Variants in EFNA2 observed in about 807,000 individuals in gnomAD.
EFNA2 encodes ephrin A2.
In EFNA2, 18 loss-of-function variants were observed where a neutral mutation model predicts 19.7. The observed-to-expected ratio is 0.91, with a 90% CI of 0.63 to 1.35. The LOEUF is 1.35. Among genes scored for constraint, EFNA2 ranks in the 40% most tolerant of loss-of-function variants. EFNA2 has a pLI of 0.00. For missense variants in EFNA2, 303 were observed against 296.0 expected, an observed-to-expected ratio of 1.02 and a Z score of -0.17; for synonymous variants, 187 against 137.8, an observed-to-expected ratio of 1.36 and a Z score of -2.50.
In EFNA2 at chr19:1,287,595, G is replaced by A. The variant is rs778785315; in HGVS notation, c.140+1287G>A. Among the ~76,000 whole-genome samples, 3 of 152,082 alleles carry A rather than the reference G, an allele frequency of 2.0e-5. No homozygotes were observed. Among genetic ancestry groups the A allele is most frequent in the South Asian group, 2.1e-4 (1 of 4,834 alleles). The stretch of plus-strand genomic sequence containing the variant: ...GTTCCGCCGTGGGGGTGGGGAACAC[G>A]CACAGGCCCACCCCCCACCCTGGTC... On this transcript the variant is annotated intron_variant, in intron 1 of 3. Coordinates refer to ENST00000215368, the MANE Select transcript of EFNA2 (RefSeq NM_001405.4). The surrounding 1 kb of genome is among the most constrained non-coding windows in gnomAD (Gnocchi z 6.2).
At position 1,300,217 on chromosome 19, in the gene EFNA2, G is replaced by T. The variant is rs1362332507; in HGVS notation, c.*272G>T. 1.7e-5 allele frequency: 5 copies of T among 296,802 alleles called. No individual in the cohort carries two copies. Among genetic ancestry groups the T allele is most frequent in the African/African-American group, 2.3e-5 (1 of 44,408 alleles). The allele number at this position is 296,802 out of a possible 1,614,324, so 18.4% of individuals were successfully genotyped here. A position where few individuals can be genotyped will look rare whatever the true frequency, so the allele number is the denominator to read the frequency against. Reference sequence around the variant, plus strand: ...GCCAGGCCATCTCCTCTGGGGCGTCGGAGAACCCGGGAACCTCTTGGCGAT... The same window carrying T: ...GCCAGGCCATCTCCTCTGGGGCGTCTGAGAACCCGGGAACCTCTTGGCGAT... On this transcript the variant is annotated 3_prime_UTR_variant, in exon 4 of 4. Transcript: ENST00000215368.
upstream of EFNA2, among the ~76,000 whole-genome samples, chr19:1,284,556 G>A (rs2081454655): frequency 6.6e-6 from 1 of 152,232 alleles, no homozygotes; most frequent in South Asian, 2.1e-4. The surrounding 1 kb of genome is among the most constrained non-coding windows in gnomAD (Gnocchi z 5.3). Flanking sequence ...CCTGAACAAA[G>A]GTCAGGTGGT....
intron 1 of EFNA2, among the ~76,000 whole-genome samples, chr19:1,291,680 T>G (rs2081492124): frequency 6.6e-6 from 1 of 152,238 alleles, no homozygotes; most frequent in Non-Finnish European, 1.5e-5. Context: ...TGCCTCAGTT[T>G]CCAGTCCTGG....
Position 1,295,629 on chromosome 19 carries a change from C to T in EFNA2, c.225C>T (p.His75=). The T allele has an allele frequency of 6.2e-7, 1 of 1,611,550 alleles. No homozygotes were observed. The highest frequency in any genetic ancestry group is 2.2e-5 in the East Asian group (1 of 44,826). ...ACTACCTGGACATCTACTGCCCGCA[C>T]TATGGGGCGCCGCTGCCGCCGGCCG... ...INDYLDIYCP[H]YGAPLPPAER... is the part of the protein sequence containing the mutation. The change falls in exon 2 of 4, where the codon CAC becomes CAT. Residue 75 remains histidine, a synonymous_variant. Transcript: ENST00000215368. This position sits in a 1 kb window ranked among gnomAD's most constrained non-coding sequence, Gnocchi z 5.8.
At chr19:1,290,577 C>T (rs1173093840) in intron 1 of EFNA2, among the ~76,000 whole-genome samples, 1 of 152,088 alleles carries the variant, frequency 6.6e-6, no homozygotes, top group South Asian at 2.1e-4. Flanking sequence ...TCTGTGGAGC[C>T]GGTGGTCTCC....
chr19:1,286,081 C>T lies in EFNA2; in HGVS notation c.-88C>T, dbSNP rs2081462312. On this transcript the variant is annotated 5_prime_UTR_variant, in exon 1 of 4. Transcript: ENST00000215368. The surrounding 1 kb of genome is among the most constrained non-coding windows in gnomAD (Gnocchi z 5.6). ...TCCTCCCGCCCGCCCTCCGCCCGCC[C>T]GCTCGGCGGCGGCGGCGGCGGCGGA... 2 of 339,734 alleles carry T rather than the reference C, an allele frequency of 5.9e-6. No individual in the cohort carries two copies. Among genetic ancestry groups the T allele is most frequent in the African/African-American group, 2.3e-5 (1 of 43,756 alleles). The allele number at this position is 339,734 out of a possible 1,614,324, so 21.0% of individuals were successfully genotyped here.
At chr19:1,292,855 C>G (rs1354350815) in intron 1 of EFNA2, among the ~76,000 whole-genome samples, 3 of 152,270 alleles carry the variant, frequency 2.0e-5, no homozygotes, top group Admixed American at 6.5e-5. Flanking sequence ...GGCACCTGGC[C>G]GCTCAGCCAC....
At chr19:1,299,740 A>T (rs2081531539) in intron 3 of EFNA2, 84 bp from the exon 4 acceptor site, 15 of 1,490,314 alleles carry the variant, frequency 1.0e-5, no homozygotes, top group Non-Finnish European at 1.3e-5. Context: ...CGTTGGGCAG[A>T]TGTGCACCCT....
rs1476988614 is a variant in EFNA2, at chr19:1,297,903, T to G, written c.455-648T>G. On this transcript the variant is annotated intron_variant, in intron 2 of 3. Coordinates refer to ENST00000215368, the MANE Select transcript of EFNA2 (RefSeq NM_001405.4). The surrounding 1 kb of genome is among the most constrained non-coding windows in gnomAD (Gnocchi z 5.0). ...CCCGGCCAACATGGTGAAACCCCGTTTCTACTAAAAATACAAAAATTAGCC... is the reference window on the plus strand; with the variant it reads ...CCCGGCCAACATGGTGAAACCCCGTGTCTACTAAAAATACAAAAATTAGCC... 6.6e-6 allele frequency among the ~76,000 whole-genome samples: 1 copy of G among 151,542 alleles called. No individual in the cohort carries two copies. Among genetic ancestry groups the G allele is most frequent in the African/African-American group, 2.4e-5 (1 of 41,282 alleles).
At chr19:1,293,856 C>T (rs1240460478) in intron 1 of EFNA2, among the ~76,000 whole-genome samples, 2 of 152,254 alleles carry the variant, frequency 1.3e-5, no homozygotes, top group African/African-American at 4.8e-5. Context: ...CCCCTTCTCA[C>T]CCCTGGAGAC....
rs1275035742 is a variant in EFNA2 at position 1,295,431 on chromosome 19, A to C, written c.141-114A>C. 2.0e-5 allele frequency: 20 copies of C among 1,018,348 alleles called. No individual in the cohort carries two copies. The highest frequency in any genetic ancestry group is 1.9e-4 in the African/African-American group (8 of 41,852). The allele number at this position is 1,018,348 out of a possible 1,614,324, so 63.1% of individuals were successfully genotyped here. On this transcript the variant is annotated intron_variant, in intron 1 of 3. Coordinates refer to ENST00000215368, the MANE Select transcript of EFNA2 (RefSeq NM_001405.4). The surrounding 1 kb of genome is among the most constrained non-coding windows in gnomAD (Gnocchi z 5.8). ...CTCCTGACCCCGGCCCTCGCCGCGCACCCCGACCCGTCCCTCGTGCTCCTG... is the reference window on the plus strand; with the variant it reads ...CTCCTGACCCCGGCCCTCGCCGCGCCCCCCGACCCGTCCCTCGTGCTCCTG...
At position 1,300,538 on chromosome 19, in the gene EFNA2, G is replaced by T. The variant is rs561431339; in HGVS notation, c.*593G>T. ...ACCCCACTCGTGGGGGAACACAGCC[G>T]CTCCCCTCTGCTCTGCACCCCACTC... On this transcript the variant is annotated 3_prime_UTR_variant, in exon 4 of 4. Transcript: ENST00000215368. 6.7e-6 allele frequency among the ~76,000 whole-genome samples: 1 copy of T among 148,688 alleles called. No individual in the cohort carries two copies. The highest frequency in any genetic ancestry group is 6.6e-5 in the Admixed American group (1 of 15,162).
rs2081504652 is a variant in EFNA2, at chr19:1,294,364, C to T, written c.141-1181C>T. Reference sequence around the variant, plus strand: ...GTCCCTTCCTCGGCTGATCTCTATCCTCACAGACGAGGCTGGGTCAGGGGG... The same window carrying T: ...GTCCCTTCCTCGGCTGATCTCTATCTTCACAGACGAGGCTGGGTCAGGGGG... On this transcript the variant is annotated intron_variant, in intron 1 of 3. Coordinates refer to ENST00000215368, the MANE Select transcript of EFNA2 (RefSeq NM_001405.4). The surrounding 1 kb of genome is among the most constrained non-coding windows in gnomAD (Gnocchi z 5.8). Among the ~76,000 whole-genome samples, 1 of 152,204 alleles carries T rather than the reference C, an allele frequency of 6.6e-6. No individual in the cohort carries two copies. Among genetic ancestry groups the T allele is most frequent in the Admixed American group, 6.5e-5 (1 of 15,278 alleles).
Position 1,287,450 on chromosome 19 carries a change from C to T in EFNA2, c.140+1142C>T, listed in dbSNP as rs560337890. The stretch of plus-strand genomic sequence containing the variant: ...CAGCCGCTTCCTGTGCCGACCGAGC[C>T]GCCCTCTGGAGCCCGCCACCCCTCC... On this transcript the variant is annotated intron_variant, in intron 1 of 3. Coordinates refer to ENST00000215368, the MANE Select transcript of EFNA2 (RefSeq NM_001405.4). The surrounding 1 kb of genome is among the most constrained non-coding windows in gnomAD (Gnocchi z 6.2). Among the ~76,000 whole-genome samples the T allele has an allele frequency of 2.5e-4, 38 of 152,316 alleles. 1 individual carries two copies. The highest frequency in any genetic ancestry group is 7.9e-4 in the African/African-American group (33 of 41,568).
chr19:1,287,544 C>T lies in EFNA2; in HGVS notation c.140+1236C>T, dbSNP rs985600686. ...GTTGCATGAAGGGGTCTCTTTGAGG[C>T]GGGCTCGGGGACAAGGGCGGCCCGT... On this transcript the variant is annotated intron_variant, in intron 1 of 3. Coordinates refer to ENST00000215368, the MANE Select transcript of EFNA2 (RefSeq NM_001405.4). The surrounding 1 kb of genome is among the most constrained non-coding windows in gnomAD (Gnocchi z 6.2). Among the ~76,000 whole-genome samples the T allele has an allele frequency of 9.9e-5, 15 of 152,090 alleles. No individual in the cohort carries two copies. The highest frequency in any genetic ancestry group is 2.1e-4 in the Non-Finnish European group (14 of 68,008).
Position 1,300,241 on chromosome 19 carries a change from A to AGTT in EFNA2, c.*296_*297insGTT, listed in dbSNP as rs2081535634. 3 of 42,646 alleles carry AGTT rather than the reference A, an allele frequency of 7.0e-5. No homozygotes were observed. Among genetic ancestry groups the AGTT allele is most frequent in the Non-Finnish European group, 1.4e-4 (3 of 22,116 alleles). 2.6% of individuals were successfully genotyped at this position (42,646 alleles called of 1,614,324 possible). A position where few individuals can be genotyped will look rare whatever the true frequency, so the allele number is the denominator to read the frequency against. ...CGGAGAACCCGGGAACCTCTTGGCGATTTTTTTTTTTTTTTTTTTTTTTTT... is the reference window on the plus strand; with the variant it reads ...CGGAGAACCCGGGAACCTCTTGGCGAGTTTTTTTTTTTTTTTTTTTTTTTTTTT... On this transcript the variant is annotated 3_prime_UTR_variant, in exon 4 of 4. Transcript: ENST00000215368.
intron 3 of EFNA2, among the ~76,000 whole-genome samples, chr19:1,299,021 T>C (rs1299027744): frequency 6.6e-6 from 1 of 151,984 alleles, no homozygotes; most frequent in African/African-American, 2.4e-5. Context: ...GTGGATCACC[T>C]GAGGTCAGGA....
chr19:1,290,872 G>A (rs1023474324), intron 1 of EFNA2, among the ~76,000 whole-genome samples: 1 of 152,220 alleles, frequency 6.6e-6, no homozygotes, highest in Non-Finnish European at 1.5e-5. Flanking sequence ...ACCTCAAGCA[G>A]GCGTTTGAAC....
rs1399273973 is a variant in EFNA2, at chr19:1,297,837, C to T, written c.455-714C>T. On this transcript the variant is annotated intron_variant, in intron 2 of 3. Coordinates refer to ENST00000215368, the MANE Select transcript of EFNA2 (RefSeq NM_001405.4). The surrounding 1 kb of genome is among the most constrained non-coding windows in gnomAD (Gnocchi z 5.0). ...CTGTAATCCCAGCACTTTGGGAGGC[C>T]GAGGCGGGTGGATCACCTGAGGTCA... Among the ~76,000 whole-genome samples, 6 of 151,952 alleles carry T rather than the reference C, an allele frequency of 3.9e-5. No homozygotes were observed. Among genetic ancestry groups the T allele is most frequent in the African/African-American group, 1.2e-4 (5 of 41,358 alleles).
Sources: gnomAD v4.1 joint callset for allele counts (sites outside exome capture counted in the v4.1 genomes callset) on GRCh38, gnomAD v4.1.1 for gene constraint, Gnocchi (gnomAD v3.1) non-coding constraint, MANE v1.5 for transcripts, NCBI Gene and HGNC (gene_info 2026-07-23, HGNC 2026-07-21) for gene names.